The following FGF14 variants were observed in gnomAD, a reference collection of about 807,000 sequenced individuals.
FGF14 encodes the protein fibroblast growth factor homologous factor 4.
FGF14 carries 5 observed loss-of-function variants against 25.5 expected under a neutral mutation model. The observed-to-expected ratio is 0.20, with a 90% confidence interval of 0.10 to 0.41. The LOEUF (loss-of-function observed/expected upper bound fraction) is 0.41. FGF14 is among the 10% of genes least tolerant of loss of function. The probability of loss-of-function intolerance (pLI) is 1.00; values close to 1 mark genes in which losing one functional copy is unlikely to be tolerated. For synonymous variants in FGF14, 138 were observed against 118.3 expected (o/e 1.17, Z -1.08); for missense variants, 222 against 320.1 (o/e 0.69, Z 2.34).
At chr13:101,934,119 G>T (rs1316871831) in intron 1 of FGF14, among the ~76,000 whole-genome samples, 1 of 152,162 alleles carries the variant, frequency 6.6e-6, no homozygotes, top group East Asian at 1.9e-4. Flanking sequence ...TAAATGATTT[G>T]GTAAACAAGT....
At chr13:102,250,774 G>C (rs1269441762) in intron 1 of FGF14, among the ~76,000 whole-genome samples, 1 of 152,164 alleles carries the variant, frequency 6.6e-6, no homozygotes. Flanking sequence ...GAAAAGCATT[G>C]TTCTAGACAT....
At chr13:102,256,017 A>C (rs1202189527) in intron 1 of FGF14, among the ~76,000 whole-genome samples, 1 of 152,052 alleles carries the variant, frequency 6.6e-6, no homozygotes, top group Non-Finnish European at 1.5e-5. Context: ...AACAAAAAAA[A>C]CTCATTGATT....
intron 3 of FGF14, among the ~76,000 whole-genome samples, chr13:101,844,966 G>C (rs2043375362): frequency 6.6e-6 from 1 of 152,008 alleles, no homozygotes. Flanking sequence ...TCAGCTGACT[G>C]TCTCTGGTAC....
intron 1 of FGF14, among the ~76,000 whole-genome samples, chr13:102,340,806 G>A (rs369554408): frequency 6.6e-6 from 1 of 152,150 alleles, no homozygotes; most frequent in African/African-American, 2.4e-5. Context: ...GGCTTTCAGA[G>A]TTTGTAATAA....
chr13:102,011,198 T>C (rs1182009342), intron 1 of FGF14, among the ~76,000 whole-genome samples: 1 of 152,204 alleles, frequency 6.6e-6, no homozygotes, highest in Admixed American at 6.5e-5. Context: ...TTGCCTTCTT[T>C]ACTATATTTT....
At chr13:102,286,140 T>C (rs527705580) in intron 1 of FGF14, among the ~76,000 whole-genome samples, 4 of 152,290 alleles carry the variant, frequency 2.6e-5, no homozygotes, top group South Asian at 2.1e-4. Flanking sequence ...AATGTTTTTA[T>C]TTAGGGGCCA....
intron 1 of FGF14, among the ~76,000 whole-genome samples, chr13:102,112,834 T>A (rs1213972956): frequency 6.6e-6 from 1 of 152,178 alleles, no homozygotes; most frequent in Admixed American, 6.5e-5. Context: ...CAGATGAGAA[T>A]ATAGTTTCAT....
At chr13:101,726,501 T>C (rs2035446432) in intron 4 of FGF14, 111 bp downstream of exon 4, 1 of 1,036,922 alleles carries the variant, frequency 9.6e-7, no homozygotes, top group Non-Finnish European at 1.5e-6. Context: ...TCAAAATAAA[T>C]GACATTTCCA....
chr13:102,142,306 G>A (rs771527520), intron 1 of FGF14, among the ~76,000 whole-genome samples: 2 of 151,962 alleles, frequency 1.3e-5, no homozygotes, highest in Non-Finnish European at 2.9e-5. Context: ...GGTAAAAATA[G>A]GATATGATTT....
intron 3 of FGF14, among the ~76,000 whole-genome samples, chr13:101,859,386 T>C (rs1310000952): frequency 1.3e-5 from 2 of 152,146 alleles, no homozygotes; most frequent in African/African-American, 2.4e-5. Context: ...TGTTGTCTAT[T>C]GGACTTTCAG....
intron 1 of FGF14, among the ~76,000 whole-genome samples, chr13:102,203,418 C>T (rs1419716886): frequency 6.6e-6 from 1 of 152,120 alleles, no homozygotes; most frequent in African/African-American, 2.4e-5. Context: ...AGAACTATTG[C>T]CTCTGGGGAG....
At chr13:101,726,468 C>G in intron 4 of FGF14, 144 bp downstream of exon 4, 1 of 740,130 alleles carries the variant, frequency 1.4e-6, no homozygotes. Flanking sequence ...CTTAAGTAGG[C>G]ACCTGTGCAA....
intron 1 of FGF14, among the ~76,000 whole-genome samples, chr13:101,912,342 C>T (rs1287080340): frequency 6.6e-6 from 1 of 151,916 alleles, no homozygotes; most frequent in Non-Finnish European, 1.5e-5. Flanking sequence ...TGATCACAGC[C>T]CCAAAAAAGT....
At chr13:102,368,746 A>G (rs2057788978) in intron 1 of FGF14, among the ~76,000 whole-genome samples, 1 of 152,186 alleles carries the variant, frequency 6.6e-6, no homozygotes, top group South Asian at 2.1e-4. Flanking sequence ...AAGAAAATGC[A>G]ATTCCCCTTC....
chr13:101,899,229 G>A (rs1002615620), intron 1 of FGF14, among the ~76,000 whole-genome samples: 4 of 151,842 alleles, frequency 2.6e-5, no homozygotes, highest in East Asian at 1.9e-4. Context: ...CCTCAAAGAC[G>A]ATAAAATCAT....
Position 102,049,988 on chromosome 13 carries a change from C to A in FGF14, c.209-174692G>T, listed in dbSNP as rs183837254. Among the ~76,000 whole-genome samples the A allele has an allele frequency of 1.2e-3, 188 of 151,848 alleles. 1 individual carries two copies. The highest frequency in any genetic ancestry group is 4.2e-3 in the African/African-American group (174 of 41,286). On this transcript the variant is annotated intron_variant, in intron 1 of 4. Transcript: ENST00000376131. ...ATAGATTCCAATTGCTTAATCCAACCAGTTTGGGACACTTTGTTATGACAG... is the reference window on the plus strand; with the variant it reads ...ATAGATTCCAATTGCTTAATCCAACAAGTTTGGGACACTTTGTTATGACAG...
At chr13:102,067,987 AG>A (rs766740107) in intron 1 of FGF14, among the ~76,000 whole-genome samples, 10 of 152,184 alleles carry the variant, frequency 6.6e-5, no homozygotes, top group Admixed American at 2.0e-4. Context: ...GAAACCTTAC[AG>A]GACAGGAGAG....
rs372606636 is a variant in FGF14 at position 101,845,867 on chromosome 13, C to G, written c.408+22858G>C. ...TCCAGAGAAAAGAGTCATGACTTTC[C>G]TTTGCAGGGGGTAGGTGGTGGCAGG... On this transcript the variant is annotated intron_variant, in intron 3 of 4. Coordinates refer to ENST00000376143, the MANE Select transcript of FGF14 (RefSeq NM_004115.4). Among the ~76,000 whole-genome samples, 115 of 152,008 alleles carry G rather than the reference C, an allele frequency of 7.6e-4. No individual in the cohort carries two copies. In the East Asian group the frequency reaches 0.016, roughly 21 times the overall value.
In FGF14 at chr13:101,715,870, T is replaced by TTAACA; in HGVS notation, c.*6956_*6960dup. 1 of 441,476 alleles carries TTAACA rather than the reference T, an allele frequency of 2.3e-6. No individual in the cohort carries two copies. The highest frequency in any genetic ancestry group is 3.9e-5 in the Admixed American group (1 of 25,604). The allele number at this position is 441,476 out of a possible 1,614,324, so 27.3% of individuals were successfully genotyped here. Reference sequence around the variant, plus strand: ...TTAGAAAAAAAAGATTCTTCCATAATTAACATAAGTGGTTCCTAACGAGAG... The same window carrying TTAACA: ...TTAGAAAAAAAAGATTCTTCCATAATTAACATAACATAAGTGGTTCCTAACGAGAG... On this transcript the variant is annotated 3_prime_UTR_variant, in exon 5 of 5. Coordinates refer to ENST00000376143, the MANE Select transcript of FGF14 (RefSeq NM_004115.4).
Sources: gnomAD v4.1 joint callset for allele counts (sites outside exome capture counted in the v4.1 genomes callset) on GRCh38, gnomAD v4.1.1 for gene constraint, MANE v1.5 for transcripts, NCBI Gene and HGNC (gene_info 2026-07-23, HGNC 2026-07-21) for gene names.